AK7: variants seen among roughly 807,000 people sequenced by gnomAD.
AK7 encodes the protein ATP-AMP transphosphorylase 7.
AK7 carries 78 observed loss-of-function variants against 96.6 expected under a neutral mutation model. That is an observed-to-expected ratio of 0.81 (90% CI 0.67 to 0.97). The LOEUF (loss-of-function observed/expected upper bound fraction) is 0.97, where lower values mean the gene tolerates loss of function less well. Ranked by LOEUF, AK7 falls within the 50% of genes least tolerant of loss-of-function variation. The pLI is 0.00. For missense variants in AK7, 855 were observed against 887.9 expected (o/e 0.96, Z 0.47); for synonymous variants, 302 against 317.2 (o/e 0.95, Z 0.51).
At chr14:96,400,240 A>G (rs1382458175) in intron 2 of AK7, among the ~76,000 whole-genome samples, 3 of 151,906 alleles carry the variant, frequency 2.0e-5, no homozygotes, top group Admixed American at 6.6e-5. Flanking sequence ...TGGTTTCACT[A>G]AGTTGTCCAG....
intron 12 of AK7, among the ~76,000 whole-genome samples, chr14:96,470,579 T>A (rs1332975301): frequency 6.6e-6 from 1 of 152,016 alleles, no homozygotes; most frequent in Non-Finnish European, 1.5e-5. Context: ...AGGAACCCAG[T>A]GTCAGGGCTT....
chr14:96,468,415 C>T (rs957391426), intron 12 of AK7, among the ~76,000 whole-genome samples: 1 of 151,498 alleles, frequency 6.6e-6, no homozygotes, highest in Non-Finnish European at 1.5e-5. Context: ...CCTACCTCAG[C>T]CTCCCGAGTA....
chr14:96,487,379 G>A (rs1398778411), intron 17 of AK7, among the ~76,000 whole-genome samples: 4 of 76,758 alleles, frequency 5.2e-5, no homozygotes, highest in Non-Finnish European at 7.1e-5. Flanking sequence ...GTGAGACTCC[G>A]TCTCAAAAAA....
chr14:96,486,965 G>T lies in AK7; in HGVS notation c.2042G>T (p.Arg681Ile), dbSNP rs1467144409. 1.2e-6 allele frequency: 2 copies of T among 1,614,112 alleles called. No homozygotes were observed. The highest frequency in any genetic ancestry group is 2.7e-5 in the African/African-American group (2 of 75,058). ...ELLEAQSIPLRNYLMTYVMPT... is the reference protein window; with the variant it reads ...ELLEAQSIPLINYLMTYVMPT... ...CTGGAGGCTCAGTCAATTCCCCTGAGAAACTATTTAATGACCTATGTGATG... is the reference window on the plus strand; with the variant it reads ...CTGGAGGCTCAGTCAATTCCCCTGATAAACTATTTAATGACCTATGTGATG... Residue 681 changes from arginine to isoleucine, a missense_variant, in exon 17 of 18, where the codon AGA becomes ATA. By Grantham distance (97) the Arg-to-Ile change is moderately conservative. Transcript: ENST00000267584.
At chr14:96,427,027 C>A (rs1054637876) in intron 5 of AK7, among the ~76,000 whole-genome samples, 1 of 152,144 alleles carries the variant, frequency 6.6e-6, no homozygotes, top group African/African-American at 2.4e-5. Context: ...GGGCAGATCA[C>A]CTGAGGTTGG....
rs1029724186 is a variant in AK7 at position 96,462,787 on chromosome 14, AT to A, written c.1357+4585del. ...TAAAATCTTGGCTTGCAGCTATCTAATTTTTTTTTTAAACAAAACACATATT... is the reference window on the plus strand; with the variant it reads ...TAAAATCTTGGCTTGCAGCTATCTAATTTTTTTTTAAACAAAACACATATT... On this transcript the variant is annotated intron_variant, in intron 12 of 17. Coordinates refer to ENST00000267584, the MANE Select transcript of AK7 (RefSeq NM_152327.5). Among the ~76,000 whole-genome samples the A allele has an allele frequency of 4.0e-3, 607 of 150,444 alleles. 5 individuals carry two copies. The highest frequency in any genetic ancestry group is 0.014 in the African/African-American group (559 of 41,062).
chr14:96,426,418 T>G (rs1892033404), intron 5 of AK7, among the ~76,000 whole-genome samples: 1 of 152,234 alleles, frequency 6.6e-6, no homozygotes, highest in African/African-American at 2.4e-5. Flanking sequence ...GTTCATTGTA[T>G]AGTCTTCCTA....
chr14:96,455,783 G>A (rs1185021185), intron 10 of AK7, among the ~76,000 whole-genome samples: 1 of 152,164 alleles, frequency 6.6e-6, no homozygotes, highest in Non-Finnish European at 1.5e-5. Flanking sequence ...CCTACTGAAT[G>A]AATGGACATG....
chr14:96,398,355 C>T, intron 2 of AK7, 92 bp downstream of exon 2: 2 of 1,353,678 alleles, frequency 1.5e-6, no homozygotes, highest in Non-Finnish European at 2.1e-6. Flanking sequence ...GTTTGCCTCC[C>T]CTCCCCTCTC....
At chr14:96,474,508 C>T (rs1003392281) in intron 14 of AK7, among the ~76,000 whole-genome samples, 3 of 150,628 alleles carry the variant, frequency 2.0e-5, no homozygotes, top group African/African-American at 7.3e-5. Context: ...CACCTGTAGT[C>T]CCAGCTACTT....
At chr14:96,458,309 A>G in intron 12 of AK7, 97 bp downstream of exon 12, 2 of 1,473,722 alleles carry the variant, frequency 1.4e-6, no homozygotes, top group Non-Finnish European at 1.8e-6. Context: ...AAAAGACTGA[A>G]CTACAGGCGG....
intron 4 of AK7, among the ~76,000 whole-genome samples, chr14:96,419,337 T>A (rs1314326326): frequency 6.6e-6 from 1 of 151,964 alleles, no homozygotes. Flanking sequence ...TTAAAAAAAA[T>A]AAAACTACAG....
At chr14:96,467,510 G>A (rs543169942) in intron 12 of AK7, among the ~76,000 whole-genome samples, 1 of 151,928 alleles carries the variant, frequency 6.6e-6, no homozygotes, top group Non-Finnish European at 1.5e-5. Context: ...TAATTTTTTT[G>A]TATTTTTAGT....
chr14:96,428,411 C>T (rs1338364426), intron 5 of AK7, among the ~76,000 whole-genome samples: 1 of 152,142 alleles, frequency 6.6e-6, no homozygotes, highest in Non-Finnish European at 1.5e-5. Flanking sequence ...GTAGATAGTG[C>T]CGCAGTAAAC....
intron 16 of AK7, among the ~76,000 whole-genome samples, chr14:96,484,401 G>A (rs1192282530): frequency 6.6e-6 from 1 of 152,152 alleles, no homozygotes; most frequent in Non-Finnish European, 1.5e-5. Flanking sequence ...CTACGCAGCT[G>A]CCAGGTGATC....
At position 96,420,926 on chromosome 14, in the gene AK7, A is replaced by G. The variant is rs1311367378; in HGVS notation, c.603A>G (p.Gly201=). Reference sequence around the variant, plus strand: ...CTGAAAAAATGGTTCTCAAATTTGGAAAAAAGGTAAGTCTGGCATAGTGGA... The same window carrying G: ...CTGAAAAAATGGTTCTCAAATTTGGGAAAAAGGTAAGTCTGGCATAGTGGA... The part of the protein sequence containing the change: ...INAEKMVLKF[G]KKARKFAAYV... Residue 201 remains glycine (G), a synonymous_variant, in exon 5 of 18, where the codon GGA becomes GGG. Coordinates refer to ENST00000267584, the MANE Select transcript of AK7 (RefSeq NM_152327.5). 3 of 1,596,208 alleles carry G rather than the reference A, an allele frequency of 1.9e-6. No homozygotes were observed. Among genetic ancestry groups the G allele is most frequent in the South Asian group, 1.1e-5 (1 of 90,626 alleles).
chr14:96,473,263 C>T (rs569946141), intron 14 of AK7, among the ~76,000 whole-genome samples: 11 of 150,994 alleles, frequency 7.3e-5, no homozygotes, highest in African/African-American at 2.7e-4. Context: ...CTCTGCCTCC[C>T]GGGTTCACGC....
chr14:96,433,256 G>A (rs943058521), intron 5 of AK7, among the ~76,000 whole-genome samples: 1 of 152,202 alleles, frequency 6.6e-6, no homozygotes, highest in Non-Finnish European at 1.5e-5. Flanking sequence ...ATAATATCCT[G>A]AAGAGTGTTT....
In AK7 at chr14:96,420,927, A is replaced by G. The variant is rs1233756923; in HGVS notation, c.604A>G (p.Lys202Glu). ...NAEKMVLKFG[K>E]KARKFAAYVV... The stretch of plus-strand genomic sequence containing the variant: ...TGAAAAAATGGTTCTCAAATTTGGA[A>G]AAAAGGTAAGTCTGGCATAGTGGAA... The change falls in exon 5 of 18, where the codon AAA becomes GAA. Residue 202 changes from lysine (K) to glutamate (E), a missense_variant. Transcript: ENST00000267584. 4 of 1,598,818 alleles carry G rather than the reference A, an allele frequency of 2.5e-6. No homozygotes were observed. The highest frequency in any genetic ancestry group is 4.5e-5 in the East Asian group (2 of 44,806).
Sources: gnomAD v4.1 joint callset for allele counts (sites outside exome capture counted in the v4.1 genomes callset) on GRCh38, gnomAD v4.1.1 for gene constraint, MANE v1.5 for transcripts, NCBI Gene and HGNC (gene_info 2026-07-23, HGNC 2026-07-21) for gene names.